Variants in TTPA observed in about 807,000 individuals in gnomAD.
TTPA encodes the protein alpha tocopherol transfer protein.
A neutral mutation model predicts 25.9 loss-of-function variants in TTPA; 23 were observed. That is an observed-to-expected ratio of 0.89 (90% confidence interval 0.64 to 1.26). The LOEUF (loss-of-function observed/expected upper bound fraction) is 1.26. Ranked by LOEUF, TTPA falls within the 50% of genes most tolerant of loss-of-function variation. The probability of loss-of-function intolerance (pLI) is 0.00; values close to 1 mark genes in which losing one functional copy is unlikely to be tolerated. For synonymous variants in TTPA, 148 were observed against 137.3 expected (o/e 1.08, Z -0.54); for missense variants, 337 against 353.1 (o/e 0.95, Z 0.37).
In TTPA at chr8:63,084,665, A is replaced by G. The variant is rs911076566; in HGVS notation, c.204+1153T>C. Among the ~76,000 whole-genome samples, 5 of 152,348 alleles carry G rather than the reference A, an allele frequency of 3.3e-5. No individual in the cohort carries two copies. The East Asian group carries it at 9.6e-4, about 29-fold the overall frequency. On this transcript the variant is annotated intron_variant, in intron 1 of 4. Coordinates refer to ENST00000260116, the MANE Select transcript of TTPA (RefSeq NM_000370.3). ...TTTAAAAAGATAAATGAGTAACACT[A>G]ACCAGCCTCTGGGTATGTGACTGAC...
At position 63,070,024 on chromosome 8, in the gene TTPA, C is replaced by T. The variant is rs1585689966; in HGVS notation, c.358+2911G>A. The stretch of plus-strand genomic sequence containing the variant: ...TGATAGATTGATTTAATGCTTACAG[C>T]AACCCTATGTGACAGCTTTTCAATG... On this transcript the variant is annotated intron_variant, in intron 2 of 4. Transcript: ENST00000260116. Among the ~76,000 whole-genome samples the T allele has an allele frequency of 3.9e-5, 6 of 152,298 alleles. No individual in the cohort carries two copies. The South Asian group carries it at 1.2e-3, about 32-fold the overall frequency.
rs372876744 is a variant in TTPA, at chr8:63,062,439, T to G, written c.664-1014A>C. Among the ~76,000 whole-genome samples the G allele has an allele frequency of 1.3e-4, 20 of 152,312 alleles. 1 individual carries two copies. In the East Asian group the frequency reaches 2.1e-3, roughly 16 times the overall value. ...AATCATTTAATAAGCATCTATTATGTGCTGGGATATGAGGTTTGATGGATG... is the reference window on the plus strand; with the variant it reads ...AATCATTTAATAAGCATCTATTATGGGCTGGGATATGAGGTTTGATGGATG... On this transcript the variant is annotated intron_variant, in intron 4 of 4. Coordinates refer to ENST00000260116, the MANE Select transcript of TTPA (RefSeq NM_000370.3).
chr8:63,074,158 A>T (rs146238222), intron 1 of TTPA, among the ~76,000 whole-genome samples: 1 of 152,242 alleles, frequency 6.6e-6, no homozygotes, highest in Non-Finnish European at 1.5e-5. Flanking sequence ...GGAATAAACA[A>T]GGTAACTATA....
At chr8:63,063,552 TAC>T (rs1386804464) in intron 4 of TTPA, among the ~76,000 whole-genome samples, 1 of 152,180 alleles carries the variant, frequency 6.6e-6, no homozygotes, top group Non-Finnish European at 1.5e-5. Flanking sequence ...AGATAAAAGA[TAC>T]ACAGTGAGAG....
chr8:63,085,071 GT>G (rs1805726377), intron 1 of TTPA, among the ~76,000 whole-genome samples: 1 of 152,208 alleles, frequency 6.6e-6, no homozygotes, highest in Non-Finnish European at 1.5e-5. Flanking sequence ...GGCACAGCTT[GT>G]TTTGTTAAAC....
At chr8:63,075,614 G>A (rs569567826) in intron 1 of TTPA, among the ~76,000 whole-genome samples, 83 of 149,678 alleles carry the variant, frequency 5.5e-4, no homozygotes, top group African/African-American at 1.9e-3. Flanking sequence ...CAGGAGAATC[G>A]CTTGAACCTG....
chr8:63,074,770 T>C (rs191079142), intron 1 of TTPA, among the ~76,000 whole-genome samples: 74 of 152,244 alleles, frequency 4.9e-4, no homozygotes, highest in African/African-American at 1.7e-3. Context: ...TTAGTAACTA[T>C]ATAGAAATAA....
chr8:63,084,514 T>C (rs1256795048), intron 1 of TTPA, among the ~76,000 whole-genome samples: 1 of 152,210 alleles, frequency 6.6e-6, no homozygotes, highest in African/African-American at 2.4e-5. Context: ...TCCAGTAGAA[T>C]AACAGCAGCC....
intron 1 of TTPA, among the ~76,000 whole-genome samples, chr8:63,076,874 T>TA (rs1310804308): frequency 2.0e-5 from 3 of 151,876 alleles, no homozygotes; most frequent in Non-Finnish European, 2.9e-5. Flanking sequence ...AAAATGAAAA[T>TA]AAATAAAGTT....
chr8:63,059,375 C>T (rs1056054531), downstream of TTPA, among the ~76,000 whole-genome samples: 13 of 152,150 alleles, frequency 8.5e-5, no homozygotes, highest in African/African-American at 3.1e-4. Context: ...TGTTAGCTTC[C>T]CAATACTAAG....
rs183672508 is a variant in TTPA, at chr8:63,080,787, T to C, written c.204+5031A>G. Among the ~76,000 whole-genome samples, 6 of 145,836 alleles carry C rather than the reference T, an allele frequency of 4.1e-5. No individual in the cohort carries two copies. The East Asian group carries it at 1.2e-3, about 29-fold the overall frequency. On this transcript the variant is annotated intron_variant, in intron 1 of 4. Transcript: ENST00000260116. ...AAGAGAGAAGAATCAAGTAATCAAA[T>C]AGACACAAAAAAATGATAAAGGGGA...
chr8:63,074,645 G>C (rs1805534388), intron 1 of TTPA, among the ~76,000 whole-genome samples: 1 of 152,126 alleles, frequency 6.6e-6, no homozygotes, highest in Non-Finnish European at 1.5e-5. Context: ...CAGTCTTAGG[G>C]GGTACCAGAA....
chr8:63,059,304 T>C (rs919184071), downstream of TTPA, among the ~76,000 whole-genome samples: 1 of 151,914 alleles, frequency 6.6e-6, no homozygotes, highest in Non-Finnish European at 1.5e-5. Context: ...AGTGCTGGGA[T>C]TACAGGCGTG....
intron 2 of TTPA, among the ~76,000 whole-genome samples, chr8:63,071,391 AT>A (rs1458194614): frequency 6.6e-6 from 1 of 152,238 alleles, no homozygotes; most frequent in Non-Finnish European, 1.5e-5. Flanking sequence ...AATATTTTAA[AT>A]CTTTAAAGAT....
chr8:63,063,262 A>C (rs1014592650), intron 4 of TTPA, among the ~76,000 whole-genome samples: 4 of 152,206 alleles, frequency 2.6e-5, no homozygotes, highest in African/African-American at 7.2e-5. Context: ...TTTACAGATT[A>C]GTTTAGAATG....
downstream of TTPA, among the ~76,000 whole-genome samples, chr8:63,059,223 G>A (rs1805259815): frequency 1.4e-5 from 2 of 142,198 alleles, no homozygotes; most frequent in Admixed American, 1.5e-4. Context: ...TAGTAGAGAC[G>A]GGGTTTCACC....
downstream of TTPA, among the ~76,000 whole-genome samples, chr8:63,058,543 A>G (rs1442019174): frequency 6.6e-6 from 1 of 152,222 alleles, no homozygotes; most frequent in Admixed American, 6.5e-5. Context: ...AAAGTAATAT[A>G]GACAATTAGA....
downstream of TTPA, among the ~76,000 whole-genome samples, chr8:63,059,259 C>A (rs796706457): frequency 3.1e-4 from 46 of 150,188 alleles, 1 homozygote; most frequent in African/African-American, 1.1e-3. Context: ...GTCTCGATCT[C>A]CTGACCTCGT....
Position 63,064,293 on chromosome 8 carries a change from A to G in TTPA, c.576T>C (p.Arg192=), listed in dbSNP as rs374381316. Residue 192 remains arginine (R), a synonymous_variant, in exon 4 of 5, where the codon CGT becomes CGC. Transcript: ENST00000260116. ...CTGGTTCATTTATCAAATGGATGCC[A>G]CGAACTTTCAATGGAAATGAATCCT... is the stretch of plus-strand genomic sequence containing the variant. The part of the protein sequence containing the change: ...VLTDSFPLKV[R]GIHLINEPVI... 6.8e-6 allele frequency: 11 copies of G among 1,612,734 alleles called. No homozygotes were observed. The African/African-American group carries it at 1.5e-4, about 22-fold the overall frequency.
Sources: gnomAD v4.1 joint callset for allele counts (sites outside exome capture counted in the v4.1 genomes callset) on GRCh38, gnomAD v4.1.1 for gene constraint, MANE v1.5 for transcripts, NCBI Gene and HGNC (gene_info 2026-07-23, HGNC 2026-07-21) for gene names.